Variants in LUZP1 observed in about 807,000 individuals in gnomAD.
LUZP1 encodes filamin mechanobinding actin cross-linking protein.
Under a neutral mutation model 71.3 loss-of-function variants are expected in LUZP1, and 25 were observed. The observed-to-expected ratio is 0.35, with a 90% CI of 0.26 to 0.49. LUZP1 has a LOEUF of 0.49. Among genes scored for constraint, LUZP1 ranks in the 20% least tolerant of loss-of-function variants. The pLI is 0.99. For missense variants in LUZP1, 1,142 were observed against 1,300.8 expected (o/e 0.88, Z 1.88); for synonymous variants, 481 against 506.4 (o/e 0.95, Z 0.67).
At chr1:23,149,071 A>C (rs1644363501) in intron 2 of LUZP1, among the ~76,000 whole-genome samples, 1 of 122,392 alleles carries the variant, frequency 8.2e-6, no homozygotes, top group Non-Finnish European at 1.6e-5. Flanking sequence ...ACAGAGTGAC[A>C]CCTTGCCTAA....
At chr1:23,112,901 T>C (rs141835900) in intron 2 of LUZP1, among the ~76,000 whole-genome samples, 1,978 of 152,264 alleles carry the variant, frequency 0.013, 28 homozygotes, top group African/African-American at 0.044. Context: ...CATGCAAGCA[T>C]AGGGCAGAAT....
At chr1:23,083,963 GGTT>G (rs1440899211), downstream of LUZP1, 9 of 133,146 alleles carry the variant, frequency 6.8e-5, no homozygotes, top group Non-Finnish European at 1.6e-4. Context: ...CCAAGAACAT[GGTT>G]ATTAGGAAAC....
chr1:23,167,393 G>A (rs1396296593), intron 2 of LUZP1, among the ~76,000 whole-genome samples: 1 of 152,144 alleles, frequency 6.6e-6, no homozygotes, highest in Non-Finnish European at 1.5e-5. Flanking sequence ...GAGGTCCAGA[G>A]AGTATTTTCT....
intron 2 of LUZP1, among the ~76,000 whole-genome samples, chr1:23,154,789 C>T (rs564778078): frequency 1.3e-5 from 2 of 150,204 alleles, no homozygotes; most frequent in East Asian, 2.0e-4. Context: ...CTCCTGGCCT[C>T]GTGATCCGCC....
intron 3 of LUZP1, among the ~76,000 whole-genome samples, chr1:23,106,040 CT>C (rs1281765511): frequency 6.6e-6 from 1 of 152,012 alleles, no homozygotes; most frequent in African/African-American, 2.4e-5. Flanking sequence ...GGATAATGTG[CT>C]TTTTTTCTGT....
At chr1:23,091,097 G>T in intron 4 of LUZP1, 93 bp downstream of exon 3, 1 of 1,291,762 alleles carries the variant, frequency 7.7e-7, no homozygotes. Context: ...TCAAGATCCT[G>T]GGTCACACAG....
chr1:23,165,787 A>G (rs1039647919), intron 2 of LUZP1, among the ~76,000 whole-genome samples: 1 of 152,182 alleles, frequency 6.6e-6, no homozygotes, highest in African/African-American at 2.4e-5. Flanking sequence ...TGCTTTACTC[A>G]TAAGTTGACA....
chr1:23,166,672 A>G (rs950388121), intron 2 of LUZP1, among the ~76,000 whole-genome samples: 2 of 151,176 alleles, frequency 1.3e-5, no homozygotes, highest in Non-Finnish European at 3.0e-5. Flanking sequence ...AAAAAAAAAA[A>G]AAAAAGGGAT....
At chr1:23,136,679 C>T (rs1448051411) in intron 2 of LUZP1, among the ~76,000 whole-genome samples, 1 of 152,090 alleles carries the variant, frequency 6.6e-6, no homozygotes, top group South Asian at 2.1e-4. Context: ...GAGGCCGAGG[C>T]GGGTGGATCA....
intron 3 of LUZP1, among the ~76,000 whole-genome samples, chr1:23,096,117 T>G (rs1020693300): frequency 1.0e-5 from 1 of 100,208 alleles, no homozygotes; most frequent in Non-Finnish European, 2.0e-5. Flanking sequence ...TTTAAAGTCA[T>G]AAAAGAAGGA....
intron 2 of LUZP1, among the ~76,000 whole-genome samples, chr1:23,146,577 C>A (rs1012916967): frequency 1.3e-5 from 2 of 152,134 alleles, no homozygotes; most frequent in Admixed American, 6.5e-5. Context: ...GTGGGAGGAT[C>A]ACTTGAACCC....
chr1:23,099,917 T>G (rs1643917974), intron 3 of LUZP1, among the ~76,000 whole-genome samples: 1 of 152,172 alleles, frequency 6.6e-6, no homozygotes, highest in Non-Finnish European at 1.5e-5. Flanking sequence ...TTCATCTACA[T>G]CCTCGCCCTC....
intron 1 of LUZP1, among the ~76,000 whole-genome samples, chr1:23,173,062 C>T (rs962846597): frequency 6.6e-6 from 1 of 151,232 alleles, no homozygotes; most frequent in African/African-American, 2.4e-5. Flanking sequence ...ACCTCATGAT[C>T]CGCCCACCTC....
chr1:23,106,085 C>T (rs1643979037), intron 3 of LUZP1, among the ~76,000 whole-genome samples: 2 of 152,210 alleles, frequency 1.3e-5, no homozygotes. Context: ...TATTTTTATA[C>T]TGAACTTGTA....
intron 2 of LUZP1, among the ~76,000 whole-genome samples, chr1:23,142,979 G>A (rs1480210830): frequency 6.6e-6 from 1 of 151,420 alleles, no homozygotes; most frequent in African/African-American, 2.4e-5. Context: ...AACCAGCCTG[G>A]GCTACATGGT....
At chr1:23,104,587 A>G (rs1643964619) in intron 3 of LUZP1, among the ~76,000 whole-genome samples, 1 of 152,140 alleles carries the variant, frequency 6.6e-6, no homozygotes, top group South Asian at 2.1e-4. Context: ...TGCTTCTATC[A>G]CTATATCCAT....
intron 2 of LUZP1, among the ~76,000 whole-genome samples, chr1:23,150,727 C>T (rs1183773840): frequency 6.6e-6 from 1 of 152,046 alleles, no homozygotes; most frequent in African/African-American, 2.4e-5. Flanking sequence ...TGAAGACAAA[C>T]ATATCAAAAA....
At chr1:23,113,540 C>T (rs1483519873) in intron 2 of LUZP1, among the ~76,000 whole-genome samples, 3 of 151,956 alleles carry the variant, frequency 2.0e-5, no homozygotes, top group African/African-American at 7.3e-5. Flanking sequence ...AATTCTCAGA[C>T]AAAGATATTA....
At chr1:23,100,242 T>C (rs1009150542) in intron 3 of LUZP1, among the ~76,000 whole-genome samples, 3 of 152,296 alleles carry the variant, frequency 2.0e-5, no homozygotes, top group South Asian at 4.1e-4. Context: ...GCCTCCTAAT[T>C]ATCAAATAGC....
Sources: allele counts gnomAD v4.1 joint callset (sites outside exome capture counted in the v4.1 genomes callset), GRCh38; gene constraint gnomAD v4.1.1; transcripts MANE v1.5; gene names NCBI Gene and HGNC (gene_info 2026-07-23, HGNC 2026-07-21).